The following SPEF2 variants were observed in gnomAD, a reference collection of about 807,000 sequenced individuals.
The protein encoded by SPEF2 is sperm flagella and cilia-associated protein 2.
In SPEF2, 187 loss-of-function variants were observed where a neutral mutation model predicts 224.6. That is an observed-to-expected ratio of 0.83 (90% CI 0.74 to 0.94). The LOEUF (loss-of-function observed/expected upper bound fraction) is 0.94. Ranked by LOEUF, SPEF2 falls within the 40% of genes least tolerant of loss-of-function variation. SPEF2 has a pLI of 0.00. For missense variants in SPEF2, 2,170 were observed against 2,135.6 expected (o/e 1.02, Z -0.32); for synonymous variants, 715 against 707.3 (o/e 1.01, Z -0.17).
chr5:35,711,527 A>T (rs1741129114), intron 19 of SPEF2, among the ~76,000 whole-genome samples: 3 of 152,086 alleles, frequency 2.0e-5, no homozygotes, highest in Non-Finnish European at 4.4e-5. Context: ...TTAGTATGGC[A>T]CAATAGAATA....
At chr5:35,635,106 G>C (rs986556961) in intron 2 of SPEF2, among the ~76,000 whole-genome samples, 1 of 151,878 alleles carries the variant, frequency 6.6e-6, no homozygotes, top group African/African-American at 2.4e-5. Flanking sequence ...TTGAGGTTCT[G>C]GTCATTTTTC....
intron 19 of SPEF2, 82 bp downstream of exon 19, chr5:35,709,203 C>A: frequency 1.3e-6 from 2 of 1,562,436 alleles, no homozygotes; most frequent in Non-Finnish European, 8.6e-7. Context: ...AGTCTATCTA[C>A]ATTCAGACTT....
intron 14 of SPEF2, among the ~76,000 whole-genome samples, chr5:35,696,066 TTCA>T (rs1196873704): frequency 1.3e-5 from 2 of 152,208 alleles, no homozygotes; most frequent in African/African-American, 4.8e-5. Context: ...CCAAATTCAT[TTCA>T]TCTTTACCAT....
chr5:35,804,212 T>C (rs776747430), intron 34 of SPEF2, among the ~76,000 whole-genome samples: 1 of 152,168 alleles, frequency 6.6e-6, no homozygotes, highest in Non-Finnish European at 1.5e-5. Flanking sequence ...ACTGAGCTGA[T>C]TGAATGATAG....
intron 1 of SPEF2, among the ~76,000 whole-genome samples, chr5:35,622,356 A>G (rs1034785453): frequency 6.6e-6 from 1 of 152,220 alleles, no homozygotes. Context: ...AAGAAAACAT[A>G]GAGATATAAA....
chr5:35,667,346 A>G (rs1291336707), intron 9 of SPEF2, 87 bp downstream of exon 9: 2 of 1,159,600 alleles, frequency 1.7e-6, no homozygotes, highest in East Asian at 2.7e-5. Context: ...GATGATAAGT[A>G]AAGAGAGATA....
intron 34 of SPEF2, among the ~76,000 whole-genome samples, chr5:35,804,079 C>T (rs1757773171): frequency 6.6e-6 from 1 of 152,184 alleles, no homozygotes; most frequent in Non-Finnish European, 1.5e-5. Flanking sequence ...GTAAAAACAT[C>T]TTGGCAAGGA....
At chr5:35,730,639 C>T (rs866746491) in intron 21 of SPEF2, among the ~76,000 whole-genome samples, 6 of 152,182 alleles carry the variant, frequency 3.9e-5, no homozygotes, top group African/African-American at 9.6e-5. Flanking sequence ...ACTTCTGCTT[C>T]GAATTTAGTA....
At chr5:35,666,981 C>T in intron 8 of SPEF2, 91 bp from the exon 9 acceptor site, 1 of 1,223,978 alleles carries the variant, frequency 8.2e-7, no homozygotes. Context: ...AGGTTTCATT[C>T]TACTGAAAGA....
chr5:35,761,441 C>T (rs1751269726), intron 25 of SPEF2, among the ~76,000 whole-genome samples: 1 of 152,110 alleles, frequency 6.6e-6, no homozygotes, highest in Admixed American at 6.5e-5. Flanking sequence ...TATGTTCCTG[C>T]TTTGTTTCTT....
chr5:35,761,389 G>T (rs1199918829), intron 25 of SPEF2, among the ~76,000 whole-genome samples: 1 of 152,130 alleles, frequency 6.6e-6, no homozygotes, highest in East Asian at 1.9e-4. Context: ...AGATGAGATT[G>T]AGTCCCAATA....
intron 7 of SPEF2, among the ~76,000 whole-genome samples, chr5:35,658,192 C>A (rs1157026418): frequency 6.6e-6 from 1 of 152,106 alleles, no homozygotes; most frequent in African/African-American, 2.4e-5. Flanking sequence ...GAGTTAATTG[C>A]CCAAGGCCAC....
intron 10 of SPEF2, chr5:35,671,678 T>G: frequency 1.1e-5 from 3 of 279,064 alleles, no homozygotes; most frequent in African/African-American, 2.3e-5. Flanking sequence ...GGCTGCAGCT[T>G]AGCAAAGATT....
At chr5:35,710,858 T>C (rs191969699) in intron 19 of SPEF2, 1 of 985,368 alleles carries the variant, frequency 1.0e-6, no homozygotes, top group Admixed American at 6.1e-5. Flanking sequence ...AAAGAGTGGT[T>C]GTACTTGTCT....
intron 23 of SPEF2, among the ~76,000 whole-genome samples, chr5:35,742,103 T>C (rs1196697471): frequency 2.6e-5 from 4 of 152,240 alleles, no homozygotes; most frequent in Non-Finnish European, 5.9e-5. Context: ...AACATTCTTT[T>C]TAAGTCAATA....
chr5:35,744,206 G>C (rs1438656587), intron 23 of SPEF2, among the ~76,000 whole-genome samples: 1 of 152,172 alleles, frequency 6.6e-6, no homozygotes, highest in Non-Finnish European at 1.5e-5. Flanking sequence ...CCAGTGGAAA[G>C]TCTTTACAAC....
At chr5:35,661,426 ATTTG>A (rs1749733034) in intron 8 of SPEF2, among the ~76,000 whole-genome samples, 1 of 149,846 alleles carries the variant, frequency 6.7e-6, no homozygotes, top group Non-Finnish European at 1.5e-5. Flanking sequence ...ATATATATAT[ATTTG>A]TTTAACTTTT....
At chr5:35,623,933 G>T (rs912706749) in intron 1 of SPEF2, among the ~76,000 whole-genome samples, 1 of 152,152 alleles carries the variant, frequency 6.6e-6, no homozygotes, top group Non-Finnish European at 1.5e-5. Flanking sequence ...ACTCTTATAA[G>T]GTAGACCCCA....
At chr5:35,699,581 A>T (rs1738159721) in intron 15 of SPEF2, 1 of 152,178 alleles carries the variant, frequency 6.6e-6, no homozygotes, top group Non-Finnish European at 1.5e-5. Flanking sequence ...ATGACTCTAC[A>T]CAGGCTTGGG....
Sources: allele counts gnomAD v4.1 joint callset (sites outside exome capture counted in the v4.1 genomes callset), GRCh38; gene constraint gnomAD v4.1.1; transcripts MANE v1.5; gene names NCBI Gene and HGNC (gene_info 2026-07-23, HGNC 2026-07-21).